OTOGL: variants seen among roughly 807,000 people sequenced by gnomAD.
The protein encoded by OTOGL is otogelin like, also known as otogelin-like protein.
OTOGL carries 285 observed loss-of-function variants against 318.5 expected under a neutral mutation model. The ratio of observed to expected loss-of-function variants is 0.89; its 90% CI spans 0.81 to 0.99. The LOEUF is 0.99. OTOGL is among the 50% of genes least tolerant of loss of function. The pLI, the probability that OTOGL is intolerant of heterozygous loss-of-function variation, is 0.00. For synonymous variants in OTOGL, 987 were observed against 936.5 expected (o/e 1.05, Z -0.99); for missense variants, 2,899 against 2,845.6 (o/e 1.02, Z -0.43).
chr12:80,218,232 C>A (rs1242330630), intron 5 of OTOGL, among the ~76,000 whole-genome samples: 1 of 152,122 alleles, frequency 6.6e-6, no homozygotes, highest in Non-Finnish European at 1.5e-5. Context: ...CAGATGTGCA[C>A]CTAGTGGAAA....
At chr12:80,257,681 GCC>G in intron 17 of OTOGL, 142 bp from the exon 18 acceptor site, 1 of 758,760 alleles carries the variant, frequency 1.3e-6, no homozygotes, top group Non-Finnish European at 2.0e-6. Context: ...CAAAAATTTG[GCC>G]CTGAAGCACA....
At chr12:80,301,279 G>T (rs1004119997) in intron 27 of OTOGL, among the ~76,000 whole-genome samples, 22 of 152,010 alleles carry the variant, frequency 1.4e-4, no homozygotes, top group Non-Finnish European at 1.0e-4. Context: ...GCCATGTGTT[G>T]CCCTTGCTTA....
At position 80,133,797 on chromosome 12, in the gene OTOGL, T is replaced by C. The variant is rs373521875; in HGVS notation, c.-20+34192T>C. Among the ~76,000 whole-genome samples, 7 of 151,934 alleles carry C rather than the reference T, an allele frequency of 4.6e-5. No individual in the cohort carries two copies. In the East Asian group the frequency reaches 7.8e-4, roughly 17 times the overall value. ...TGGCAACACCCTATCTCTACAAAAA[T>C]ACAAAAAATTAGCTGGCTTTTGTGG... On this transcript the variant is annotated intron_variant, in intron 1 of 58. Coordinates refer to ENST00000547103, the MANE Select transcript of OTOGL (RefSeq NM_001378609.3).
intron 1 of OTOGL, among the ~76,000 whole-genome samples, chr12:80,201,795 C>A (rs544495404): frequency 6.6e-6 from 1 of 152,106 alleles, no homozygotes; most frequent in Non-Finnish European, 1.5e-5. Flanking sequence ...CAAACATCAA[C>A]AAGCAGGGAA....
intron 1 of OTOGL, among the ~76,000 whole-genome samples, chr12:80,195,633 C>G (rs1876003407): frequency 6.6e-6 from 1 of 152,096 alleles, no homozygotes; most frequent in South Asian, 2.1e-4. Context: ...CAGGTAAAAA[C>G]TTATCAGTCT....
intron 48 of OTOGL, 88 bp downstream of exon 48, chr12:80,356,608 G>A (rs1304829800): frequency 1.4e-5 from 15 of 1,111,048 alleles, no homozygotes; most frequent in Non-Finnish European, 1.9e-5. Flanking sequence ...GTCTCCAAGA[G>A]AATGATTTAT....
At chr12:80,212,186 A>G (rs1331353580) in intron 4 of OTOGL, among the ~76,000 whole-genome samples, 189 bp downstream of exon 4, 1 of 152,164 alleles carries the variant, frequency 6.6e-6, no homozygotes, top group Non-Finnish European at 1.5e-5. Context: ...CTTAGGTCAC[A>G]TCGACTTGTT....
At chr12:80,208,643 A>G (rs1592547852) in intron 1 of OTOGL, among the ~76,000 whole-genome samples, 1 of 152,188 alleles carries the variant, frequency 6.6e-6, no homozygotes, top group Non-Finnish European at 1.5e-5. Context: ...TAGTGCCCCT[A>G]TTGCTGAAGT....
chr12:80,142,085 A>G (rs1016568550), intron 1 of OTOGL, among the ~76,000 whole-genome samples: 5 of 152,168 alleles, frequency 3.3e-5, no homozygotes, highest in African/African-American at 1.2e-4. Context: ...AGTTTCTGAA[A>G]GAAGACAAAG....
At chr12:80,221,973 T>C (rs1479576865) in intron 6 of OTOGL, 118 bp from the exon 7 acceptor site, 1 of 1,154,950 alleles carries the variant, frequency 8.7e-7, no homozygotes, top group African/African-American at 1.5e-5. Context: ...TCTTCCTGTG[T>C]TATAGACCAA....
chr12:80,307,337 G>A (rs891783991), intron 29 of OTOGL, among the ~76,000 whole-genome samples: 3 of 151,746 alleles, frequency 2.0e-5, no homozygotes, highest in Non-Finnish European at 2.9e-5. Context: ...CCTCCCAGAC[G>A]GGGTGGTGGC....
intron 29 of OTOGL, among the ~76,000 whole-genome samples, chr12:80,308,959 A>G (rs1886440369): frequency 6.8e-6 from 1 of 146,588 alleles, no homozygotes; most frequent in African/African-American, 2.5e-5. Context: ...AGACCGTGGA[A>G]AGAGAGGGAG....
At chr12:80,099,913 T>C (rs1869033258) in intron 1 of OTOGL, among the ~76,000 whole-genome samples, 1 of 152,210 alleles carries the variant, frequency 6.6e-6, no homozygotes. Flanking sequence ...GAGAGGAAAC[T>C]GGTGATTTGG....
Position 80,239,317 on chromosome 12 carries a change from A to G in OTOGL, c.946-16A>G. 2 of 1,559,492 alleles carry G rather than the reference A, an allele frequency of 1.3e-6. No homozygotes were observed. The highest frequency in any genetic ancestry group is 1.8e-6 in the Non-Finnish European group (2 of 1,137,872). On this transcript the variant is annotated splice_polypyrimidine_tract_variant and intron_variant, in intron 10 of 58. Coordinates refer to ENST00000547103, the MANE Select transcript of OTOGL (RefSeq NM_001378609.3). ...CATGAAACATAGTCTAGTGACTGCC[A>G]TCTTTTTTTGCACAGGCAATCTTCT...
At chr12:80,307,847 G>A (rs1287368295) in intron 29 of OTOGL, among the ~76,000 whole-genome samples, 1 of 138,718 alleles carries the variant, frequency 7.2e-6, no homozygotes, top group African/African-American at 3.0e-5. Context: ...TCCCGGACAG[G>A]GCGGCTGGCC....
At position 80,377,938 on chromosome 12, in the gene OTOGL, C is replaced by T. The variant is rs267603696; in HGVS notation, c.6952C>T (p.Arg2318Cys). ...TCACCTAAGATTCTGCAAGTGTTGT[C>T]GTGAAAATGGAGTACGAAACTTGTC... ...ESHLRFCKCC[R>C]ENGVRNLSVP... The change falls in exon 59 of 59, where the codon CGT (arginine) becomes TGT (cysteine). Residue 2318 changes from arginine (R) to cysteine (C), a missense_variant. Arg to Cys is a radical substitution (Grantham distance 180). Transcript: ENST00000547103. 38 of 1,609,734 alleles carry T rather than the reference C, an allele frequency of 2.4e-5. No individual in the cohort carries two copies. The highest frequency in any genetic ancestry group is 2.7e-5 in the Non-Finnish European group (32 of 1,177,518).
chr12:80,365,284 G>C (rs1464290785), intron 52 of OTOGL, among the ~76,000 whole-genome samples: 1 of 151,990 alleles, frequency 6.6e-6, no homozygotes, highest in Non-Finnish European at 1.5e-5. Context: ...TACAGGAGAG[G>C]GATGTTCATT....
chr12:80,113,545 C>T lies in OTOGL; in HGVS notation c.-20+13940C>T, dbSNP rs181960280. 2.0e-5 allele frequency among the ~76,000 whole-genome samples: 3 copies of T among 152,186 alleles called. No individual in the cohort carries two copies. The East Asian group carries it at 5.8e-4, about 29-fold the overall frequency. ...ATTCAGAAACAGGTTGTTCAGTTTC[C>T]ATGTAATTGTGTGGTTTTGATTGAG... is the stretch of plus-strand genomic sequence containing the variant. On this transcript the variant is annotated intron_variant, in intron 1 of 58. Coordinates refer to ENST00000547103, the MANE Select transcript of OTOGL (RefSeq NM_001378609.3).
At chr12:80,249,862 T>A (rs1565928509) in intron 11 of OTOGL, among the ~76,000 whole-genome samples, 2 of 152,144 alleles carry the variant, frequency 1.3e-5, no homozygotes, top group Non-Finnish European at 2.9e-5. Context: ...GGATATAGTC[T>A]CGTGGTGCGC....
Sources: gnomAD v4.1 joint callset for allele counts (sites outside exome capture counted in the v4.1 genomes callset) on GRCh38, gnomAD v4.1.1 for gene constraint, MANE v1.5 for transcripts, NCBI Gene and HGNC (gene_info 2026-07-23, HGNC 2026-07-21) for gene names.